SVIL: variants seen among roughly 807,000 people sequenced by gnomAD.
The protein encoded by SVIL is supervillin.
In SVIL, 101 loss-of-function variants were observed where a neutral mutation model predicts 240.4. The observed-to-expected ratio is 0.42, with a 90% CI of 0.36 to 0.50. The LOEUF (loss-of-function observed/expected upper bound fraction) is 0.50. Ranked by LOEUF, SVIL falls within the 20% of genes least tolerant of loss-of-function variation. The pLI is 0.01. For synonymous variants in SVIL, 999 were observed against 1,100.0 expected (o/e 0.91, Z 1.82); for missense variants, 2,512 against 2,818.7 (o/e 0.89, Z 2.46).
chr10:29,528,400 T>C (rs1951093160), intron 12 of SVIL, among the ~76,000 whole-genome samples: 1 of 152,172 alleles, frequency 6.6e-6, no homozygotes, highest in African/African-American at 2.4e-5. Flanking sequence ...AGGAAGGGTG[T>C]CTGTGTGTCC....
intron 6 of SVIL, among the ~76,000 whole-genome samples, chr10:29,548,848 G>C (rs1349273333): frequency 6.6e-6 from 1 of 152,186 alleles, no homozygotes; most frequent in African/African-American, 2.4e-5. Context: ...AACTATGAAA[G>C]GGGTGTGAGA....
chr10:29,684,084 TC>T (rs1960874731), intron 2 of SVIL, among the ~76,000 whole-genome samples: 1 of 152,078 alleles, frequency 6.6e-6, no homozygotes, highest in African/African-American at 2.4e-5. Flanking sequence ...AAACTCTGCT[TC>T]CTTTGGGCCA....
upstream of SVIL, among the ~76,000 whole-genome samples, chr10:29,638,481 T>G (rs1958383110): frequency 1.3e-5 from 2 of 150,544 alleles, no homozygotes; most frequent in South Asian, 2.1e-4. Flanking sequence ...AAAAAAAAAG[T>G]TTAATTAAGT....
At chr10:29,473,804 C>G in intron 30 of SVIL, 34 bp downstream of exon 30, 1 of 1,613,182 alleles carries the variant, frequency 6.2e-7, no homozygotes, top group South Asian at 1.1e-5. Flanking sequence ...ATGCTCCTCT[C>G]AGTCCCCGGG....
At chr10:29,582,179 G>A (rs576548449) in intron 1 of SVIL, among the ~76,000 whole-genome samples, 14 of 152,288 alleles carry the variant, frequency 9.2e-5, no homozygotes, top group African/African-American at 3.1e-4. Context: ...AAATGCCACC[G>A]AACTGTTCAC....
chr10:29,695,800 CTCTCCCG>C (rs1468741146), intron 1 of SVIL, among the ~76,000 whole-genome samples: 7 of 145,362 alleles, frequency 4.8e-5, no homozygotes, highest in East Asian at 2.5e-4. Flanking sequence ...CTCCCTCTCC[CTCTCCCG>C]TCTCCCTCTC....
In SVIL at chr10:29,465,324, C is replaced by T. The variant is rs115007029; in HGVS notation, c.6133+271G>A. On this transcript the variant is annotated intron_variant, in intron 34 of 37. Transcript: ENST00000355867. ...AAAAGAGCGGAGACGCCAGGCCTGC[C>T]GCTGTGGTGCTCAACCTGTTCTTAG... 3.7e-3 allele frequency among the ~76,000 whole-genome samples: 568 copies of T among 152,258 alleles called. 3 individuals are homozygous for T. The highest frequency in any genetic ancestry group is 0.013 in the African/African-American group (545 of 41,552).
intron 2 of SVIL, among the ~76,000 whole-genome samples, chr10:29,566,584 A>T (rs1954982309): frequency 6.6e-6 from 1 of 152,192 alleles, no homozygotes; most frequent in South Asian, 2.1e-4. Context: ...TCTCTACCCG[A>T]GGGCACCGAT....
intron 1 of SVIL, among the ~76,000 whole-genome samples, chr10:29,628,136 C>T (rs1388447716): frequency 6.6e-6 from 1 of 152,170 alleles, no homozygotes; most frequent in Non-Finnish European, 1.5e-5. Flanking sequence ...TTAACTCAAA[C>T]AAAAAATTCC....
intron 1 of SVIL, among the ~76,000 whole-genome samples, chr10:29,625,497 T>C (rs893531343): frequency 6.6e-6 from 1 of 152,168 alleles, no homozygotes; most frequent in Non-Finnish European, 1.5e-5. Context: ...GGAGTCTCAC[T>C]CTGTTGCCCA....
rs1180359596 is a variant in SVIL, at chr10:29,706,516, AAATTTGTTT to A, written c.-399-19874_-399-19866del. Among the ~76,000 whole-genome samples the A allele has an allele frequency of 4.6e-5, 7 of 151,380 alleles. No individual in the cohort carries two copies. In the East Asian group the frequency reaches 1.4e-3, roughly 29 times the overall value. On this transcript the variant is annotated intron_variant, in intron 1 of 35. Coordinates refer to the SVIL transcript ENST00000375400. ...TTGATGGGTATTTTTTTTTCCTTGT[AAATTTGTTT>A]AAGTTCCTTGCAGATTTTGGATATT...
chr10:29,550,273 CAA>C (rs55687306), intron 6 of SVIL, among the ~76,000 whole-genome samples: 44,553 of 146,520 alleles, frequency 0.3, 6,922 homozygotes, highest in African/African-American at 0.39. Flanking sequence ...CCTGTCTCTA[CAA>C]AAAAAAAAAT....
chr10:29,470,533 A>T (rs1945447533), intron 31 of SVIL, 50 bp from the exon 32 acceptor site: 1 of 1,603,258 alleles, frequency 6.2e-7, no homozygotes, highest in Non-Finnish European at 8.5e-7. Context: ...AGCGAGTGGC[A>T]GCAAACGCGG....
At chr10:29,640,341 C>T (rs1958444731) in intron 3 of SVIL, among the ~76,000 whole-genome samples, 1 of 152,150 alleles carries the variant, frequency 6.6e-6, no homozygotes, top group African/African-American at 2.4e-5. Flanking sequence ...CACTCCTTTC[C>T]TCAGCTCTCC....
chr10:29,628,485 TAA>T (rs1186328317), intron 1 of SVIL, among the ~76,000 whole-genome samples: 1 of 152,232 alleles, frequency 6.6e-6, no homozygotes, highest in Non-Finnish European at 1.5e-5. Context: ...CATCCAAGCC[TAA>T]GTTATTTGCC....
intron 32 of SVIL, chr10:29,469,041 T>C (rs1004768928): frequency 1.3e-5 from 2 of 152,184 alleles, no homozygotes; most frequent in African/African-American, 4.8e-5. Flanking sequence ...AAAACCATTT[T>C]TTCCGAGATT....
intron 1 of SVIL, among the ~76,000 whole-genome samples, chr10:29,693,123 T>C (rs1961641597): frequency 6.6e-6 from 1 of 152,162 alleles, no homozygotes; most frequent in African/African-American, 2.4e-5. Context: ...CTAACCCTCA[T>C]CATAATCCTG....
intron 1 of SVIL, among the ~76,000 whole-genome samples, chr10:29,712,597 C>G (rs1190647005): frequency 6.6e-6 from 1 of 152,186 alleles, no homozygotes; most frequent in African/African-American, 2.4e-5. Context: ...ATTACCCAAC[C>G]TCAGGTATTC....
intron 1 of SVIL, among the ~76,000 whole-genome samples, chr10:29,723,275 G>T (rs1187975215): frequency 3.9e-5 from 6 of 152,224 alleles, no homozygotes; most frequent in Non-Finnish European, 7.3e-5. Flanking sequence ...CAGTTACTGG[G>T]AGGCTAAGAT....
Sources: allele counts gnomAD v4.1 joint callset (sites outside exome capture counted in the v4.1 genomes callset), GRCh38; gene constraint gnomAD v4.1.1; transcripts MANE v1.5; gene names NCBI Gene and HGNC (gene_info 2026-07-23, HGNC 2026-07-21).